Variants in REEP5 observed in about 807,000 individuals in gnomAD.
REEP5 encodes receptor expression-enhancing protein 5.
In REEP5, 24 loss-of-function variants were observed where a neutral mutation model predicts 22.4. The ratio of observed to expected loss-of-function variants is 1.07; its 90% CI spans 0.78 to 1.51. REEP5 has a LOEUF of 1.51. Ranked by LOEUF, REEP5 falls within the 40% of genes most tolerant of loss-of-function variation. REEP5 has a pLI of 0.00. For missense variants in REEP5, 252 were observed against 233.0 expected, an observed-to-expected ratio of 1.08 and a Z score of -0.53; for synonymous variants, 103 against 88.6, an observed-to-expected ratio of 1.16 and a Z score of -0.92.
Position 112,882,081 on chromosome 5 carries a change from A to G in REEP5, c.521-3246T>C, listed in dbSNP as rs868310487. On this transcript the variant is annotated intron_variant, in intron 4 of 4. Coordinates refer to ENST00000379638, the MANE Select transcript of REEP5 (RefSeq NM_005669.5). ...GCACTGCACCTGACCTACTACTCCTATTTTAATTATTGATGATTTTAATAT... is the reference window on the plus strand; with the variant it reads ...GCACTGCACCTGACCTACTACTCCTGTTTTAATTATTGATGATTTTAATAT... 8 of 153,792 alleles carry G rather than the reference A, an allele frequency of 5.2e-5. No individual in the cohort carries two copies. In the Middle Eastern group the frequency reaches 4.7e-3, roughly 90 times the overall value. 9.5% of individuals were successfully genotyped at this position (153,792 alleles called of 1,614,324 possible). A position where few individuals can be genotyped will look rare whatever the true frequency, so the allele number is the denominator to read the frequency against.
intron 3 of REEP5, chr5:112,893,030 G>A: frequency 1.3e-6 from 2 of 1,511,138 alleles, no homozygotes; most frequent in East Asian, 4.6e-5. Context: ...CGTGGGAGGA[G>A]GAAGTCGGGT....
At chr5:112,891,611 T>C (rs1768450591) in intron 3 of REEP5, 5 of 1,574,190 alleles carry the variant, frequency 3.2e-6, no homozygotes, top group Middle Eastern at 1.7e-4. Context: ...AGGTTAAGAA[T>C]GTCTGAGGGG....
In REEP5 at chr5:112,921,878, C is replaced by T. The variant is rs543714261; in HGVS notation, c.118+195G>A. ...AGCTGCCCTCCAGCCCCGCGACCCTCAGCCTGGGCAGCCCCCGCGGGGTCC... is the reference window on the plus strand; with the variant it reads ...AGCTGCCCTCCAGCCCCGCGACCCTTAGCCTGGGCAGCCCCCGCGGGGTCC... On this transcript the variant is annotated intron_variant, in intron 1 of 4. Transcript: ENST00000379638. 2,462 of 584,468 alleles carry T rather than the reference C, an allele frequency of 4.2e-3. 21 individuals are homozygous for T. The highest frequency in any genetic ancestry group is 2.8e-3 in the Non-Finnish European group (1,037 of 367,538). The allele number at this position is 584,468 out of a possible 1,614,324, so 36.2% of individuals were successfully genotyped here. A position where few individuals can be genotyped will look rare whatever the true frequency, so the allele number is the denominator to read the frequency against.
chr5:112,881,680 C>A (rs1205492324), intron 4 of REEP5, among the ~76,000 whole-genome samples: 1 of 152,198 alleles, frequency 6.6e-6, no homozygotes, highest in African/African-American at 2.4e-5. Context: ...CCTTCCCTTT[C>A]CCTGTCATCC....
chr5:112,889,501 T>C (rs1768366171), intron 3 of REEP5, among the ~76,000 whole-genome samples: 1 of 150,914 alleles, frequency 6.6e-6, no homozygotes, highest in African/African-American at 2.5e-5. Flanking sequence ...TTCCTGAACT[T>C]GTATATACCT....
At chr5:112,915,551 T>C (rs1170886062) in intron 2 of REEP5, among the ~76,000 whole-genome samples, 2 of 152,254 alleles carry the variant, frequency 1.3e-5, no homozygotes, top group African/African-American at 2.4e-5. Flanking sequence ...TGAGGAAGGT[T>C]AAATGTTTAA....
At chr5:112,904,590 G>C (rs1215137451) in intron 2 of REEP5, among the ~76,000 whole-genome samples, 1 of 152,152 alleles carries the variant, frequency 6.6e-6, no homozygotes, top group Non-Finnish European at 1.5e-5. Flanking sequence ...AATGTGATGG[G>C]ACTGTCATTG....
chr5:112,901,496 GT>G (rs1768842274), intron 3 of REEP5, among the ~76,000 whole-genome samples: 1 of 151,946 alleles, frequency 6.6e-6, no homozygotes, highest in East Asian at 2.0e-4. Context: ...ATTGCTTAAG[GT>G]CAGGAGTTCG....
chr5:112,878,452 G>A lies in REEP5; in HGVS notation c.*334C>T, dbSNP rs1767963085. The A allele has an allele frequency of 3.8e-6, 1 of 264,984 alleles. No homozygotes were observed. Among genetic ancestry groups the A allele is most frequent in the East Asian group, 7.4e-5 (1 of 13,522 alleles). The allele number at this position is 264,984 out of a possible 1,614,324, so 16.4% of individuals were successfully genotyped here. On this transcript the variant is annotated 3_prime_UTR_variant, in exon 5 of 5. Coordinates refer to ENST00000379638, the MANE Select transcript of REEP5 (RefSeq NM_005669.5). ...TGTAACTACAGAGAAAATGCGTGCAGGGAGAGCCCAGTAAAGTACACAGCC... is the reference window on the plus strand; with the variant it reads ...TGTAACTACAGAGAAAATGCGTGCAAGGAGAGCCCAGTAAAGTACACAGCC...
At chr5:112,885,939 C>G (rs1177846437) in intron 4 of REEP5, among the ~76,000 whole-genome samples, 1 of 152,184 alleles carries the variant, frequency 6.6e-6, no homozygotes, top group East Asian at 1.9e-4. Context: ...CTACTTCCAT[C>G]CAGCCACTGC....
intron 2 of REEP5, among the ~76,000 whole-genome samples, chr5:112,904,369 T>C (rs1486623307): frequency 6.6e-6 from 1 of 151,708 alleles, no homozygotes; most frequent in Non-Finnish European, 1.5e-5. Flanking sequence ...GGCTTATCCA[T>C]ATTTAATTGG....
At chr5:112,909,193 G>C (rs1769036365) in intron 2 of REEP5, among the ~76,000 whole-genome samples, 1 of 146,692 alleles carries the variant, frequency 6.8e-6, no homozygotes, top group Non-Finnish European at 1.5e-5. Flanking sequence ...ATATGACCCT[G>C]GGCAAGTTAT....
At chr5:112,908,553 T>A (rs1256360555) in intron 2 of REEP5, among the ~76,000 whole-genome samples, 1 of 149,688 alleles carries the variant, frequency 6.7e-6, no homozygotes, top group Non-Finnish European at 1.5e-5. Context: ...TAAGACAGAG[T>A]CACATTCTGT....
chr5:112,889,147 A>G (rs1269591921), intron 3 of REEP5, among the ~76,000 whole-genome samples: 3 of 150,726 alleles, frequency 2.0e-5, no homozygotes, highest in South Asian at 2.1e-4. Flanking sequence ...TCCTTTATAA[A>G]TTGCCCAGTC....
chr5:112,903,893 C>T (rs1768899096), intron 2 of REEP5, among the ~76,000 whole-genome samples: 1 of 152,192 alleles, frequency 6.6e-6, no homozygotes, highest in South Asian at 2.1e-4. Flanking sequence ...TGCAGTTGCA[C>T]AATAATAGCT....
At chr5:112,891,787 C>G in intron 3 of REEP5, 2 of 1,608,652 alleles carry the variant, frequency 1.2e-6, no homozygotes, top group Non-Finnish European at 1.7e-6. Context: ...AGGACTCTCA[C>G]AGGAGGAGGA....
In REEP5 at chr5:112,922,056, G is replaced by A. The variant is rs755109528; in HGVS notation, c.118+17C>T. The A allele has an allele frequency of 1.3e-5, 20 of 1,581,058 alleles. No individual in the cohort carries two copies. The highest frequency in any genetic ancestry group is 1.6e-5 in the Non-Finnish European group (19 of 1,164,318). The stretch of plus-strand genomic sequence containing the variant: ...CTCCCGTGGCCCTACCAGCGGCGGC[G>A]ACCCCCGGCCACCCACCAAGAGCGA... On this transcript the variant is annotated intron_variant, in intron 1 of 4. Coordinates refer to ENST00000379638, the MANE Select transcript of REEP5 (RefSeq NM_005669.5).
rs367802785 is a variant in REEP5 at position 112,921,288 on chromosome 5, C to T, written c.119-32G>A. 25 of 1,606,554 alleles carry T rather than the reference C, an allele frequency of 1.6e-5. No individual in the cohort carries two copies. In the African/African-American group the frequency reaches 2.9e-4, roughly 19 times the overall value. On this transcript the variant is annotated intron_variant, in intron 1 of 4. Coordinates refer to ENST00000379638, the MANE Select transcript of REEP5 (RefSeq NM_005669.5). ...ACCACAAGGAGAGAAGTGGGTCGGG[C>T]AGCATGAGAGCCGTTCACGCGGGAC...
At chr5:112,910,835 G>A (rs1769087917) in intron 2 of REEP5, among the ~76,000 whole-genome samples, 1 of 152,138 alleles carries the variant, frequency 6.6e-6, no homozygotes, top group African/African-American at 2.4e-5. Flanking sequence ...CTCACCCACA[G>A]AGCCCTGATT....
Sources: allele counts gnomAD v4.1 joint callset (sites outside exome capture counted in the v4.1 genomes callset), GRCh38; gene constraint gnomAD v4.1.1; transcripts MANE v1.5; gene names NCBI Gene and HGNC (gene_info 2026-07-23, HGNC 2026-07-21).